The following NRDC variants were observed in gnomAD, a reference collection of about 807,000 sequenced individuals.
The protein encoded by NRDC is nardilysin.
NRDC carries 54 observed loss-of-function variants against 147.1 expected under a neutral mutation model. The ratio of observed to expected loss-of-function variants is 0.37; its 90% CI spans 0.29 to 0.46. The LOEUF (loss-of-function observed/expected upper bound fraction) is 0.46. Ranked by LOEUF, NRDC falls within the 20% of genes least tolerant of loss-of-function variation. NRDC has a pLI of 1.00. For missense variants in NRDC, 1,082 were observed against 1,370.6 expected (o/e 0.79, Z 3.33); for synonymous variants, 440 against 482.1 (o/e 0.91, Z 1.14).
rs1283568199 is a variant in NRDC at position 51,836,323 on chromosome 1, A to G, written c.631-111T>C. 1.4e-5 allele frequency: 23 copies of G among 1,599,324 alleles called. No individual in the cohort carries two copies. In the Admixed American group the frequency reaches 2.8e-4, roughly 20 times the overall value. ...TGGATGTTTTCCAATAGGAGTAACA[A>G]AATTCTTTCCCTGAGAATCAGGAGG... On this transcript the variant is annotated intron_variant, in intron 2 of 30. Transcript: ENST00000352171.
At chr1:51,846,116 A>C (rs1345953531) in intron 1 of NRDC, among the ~76,000 whole-genome samples, 1 of 146,616 alleles carries the variant, frequency 6.8e-6, no homozygotes, top group Non-Finnish European at 1.5e-5. Flanking sequence ...ACACTTTATA[A>C]TTTTTTTTTT....
chr1:51,821,622 T>A, intron 7 of NRDC, 67 bp from the exon 8 acceptor site: 1 of 1,105,912 alleles, frequency 9.0e-7, no homozygotes, highest in Non-Finnish European at 1.4e-6. Context: ...GAAATGCAAT[T>A]AGATTTCTCA....
rs1240335332 is a variant in NRDC, at chr1:51,878,177, G to A, written c.341+98C>T. 10 of 1,460,556 alleles carry A rather than the reference G, an allele frequency of 6.8e-6. No individual in the cohort carries two copies. The East Asian group carries it at 9.2e-5, about 13-fold the overall frequency. The allele number at this position is 1,460,556 out of a possible 1,614,324, so 90.5% of individuals were successfully genotyped here. A position where few individuals can be genotyped will look rare whatever the true frequency, so the allele number is the denominator to read the frequency against. ...GCATTTGGGGTGGAAAGTGTGCCCT[G>A]TTGCTCCATTGGGAGACATGGAGAC... On this transcript the variant is annotated intron_variant, in intron 1 of 30. Transcript: ENST00000352171.
intron 1 of NRDC, among the ~76,000 whole-genome samples, chr1:51,840,803 C>T (rs946732841): frequency 6.6e-6 from 1 of 152,166 alleles, no homozygotes; most frequent in Non-Finnish European, 1.5e-5. Flanking sequence ...TCAAAAAACA[C>T]ATTTTAGTAG....
At chr1:51,876,560 G>A (rs912577440) in intron 1 of NRDC, among the ~76,000 whole-genome samples, 2 of 152,176 alleles carry the variant, frequency 1.3e-5, no homozygotes, top group Non-Finnish European at 2.9e-5. Context: ...TCATGTTGGC[G>A]CTCATAAAGT....
Position 51,800,303 on chromosome 1 carries a change from T to C in NRDC, c.2441+253A>G, listed in dbSNP as rs144750362. Among the ~76,000 whole-genome samples, 1,012 of 152,282 alleles carry C rather than the reference T, an allele frequency of 6.6e-3. 13 individuals are homozygous for C. The highest frequency in any genetic ancestry group is 6.3e-3 in the Non-Finnish European group (429 of 68,024). ...CTAGCACTTCTTTAACATTCAGGTA[T>C]AATGATTGGTGAAAACACCCTTCCT... On this transcript the variant is annotated intron_variant, in intron 21 of 30. Transcript: ENST00000352171.
At chr1:51,810,555 C>T in intron 15 of NRDC, 151 bp from the exon 16 acceptor site, 1 of 637,780 alleles carries the variant, frequency 1.6e-6, no homozygotes, top group Non-Finnish European at 2.5e-6. Context: ...TACAAAGTCT[C>T]AACAGTGTTT....
In NRDC at chr1:51,850,020, A is replaced by G. The variant is rs534202829; in HGVS notation, c.342-9506T>C. Among the ~76,000 whole-genome samples, 8 of 152,080 alleles carry G rather than the reference A, an allele frequency of 5.3e-5. No individual in the cohort carries two copies. In the East Asian group the frequency reaches 1.4e-3, roughly 26 times the overall value. On this transcript the variant is annotated intron_variant, in intron 1 of 30. Coordinates refer to ENST00000352171, the MANE Select transcript of NRDC (RefSeq NM_001101662.2). Reference sequence around the variant, plus strand: ...ATGGCGAAACCCTTCGCTACTAAAAATACAAAAATTAGCCAGGTTGGTGGT... The same window carrying G: ...ATGGCGAAACCCTTCGCTACTAAAAGTACAAAAATTAGCCAGGTTGGTGGT...
intron 18 of NRDC, 52 bp from the exon 19 acceptor site, chr1:51,805,613 A>G: frequency 8.9e-7 from 1 of 1,117,904 alleles, no homozygotes. Flanking sequence ...CAGATATTTT[A>G]TACATCTGTT....
chr1:51,794,973 A>G lies in NRDC; in HGVS notation c.2605-119T>C, dbSNP rs571080486. The G allele has an allele frequency of 1.9e-5, 30 of 1,552,142 alleles. No homozygotes were observed. The African/African-American group carries it at 4.0e-4, about 21-fold the overall frequency. ...CCTGCATAGCTTTAGGAAAGCAGAT[A>G]TAGTTGGTGACCTAAATGCTGGCAA... is the stretch of plus-strand genomic sequence containing the variant. On this transcript the variant is annotated intron_variant, in intron 22 of 30. Coordinates refer to ENST00000352171, the MANE Select transcript of NRDC (RefSeq NM_001101662.2).
chr1:51,811,951 C>T (rs1679741061), intron 15 of NRDC, 43 bp downstream of exon 15: 5 of 1,296,444 alleles, frequency 3.9e-6, no homozygotes, highest in Non-Finnish European at 5.6e-6. Flanking sequence ...TCTCACCCTC[C>T]TCTTCCCCTA....
Position 51,878,532 on chromosome 1 carries a change from C to T in NRDC, c.84G>A (p.Trp28Ter), listed in dbSNP as rs1683445479. The change falls in exon 1 of 31, where the codon TGG becomes TGA. Residue 28 changes from tryptophan (W) to a stop codon, truncating the protein, a stop_gained. Transcript: ENST00000352171. LOFTEE classifies it high-confidence loss of function. ...CEAGRELAALWGIETRGRCED... is the reference protein window; with the variant it reads ...CEAGRELAAL Reference sequence around the variant, plus strand: ...CGCACCGACCCCGCGTTTCGATTCCCCAGAGCGCCGCGAGCTCCCGCCCGG... The same window carrying T: ...CGCACCGACCCCGCGTTTCGATTCCTCAGAGCGCCGCGAGCTCCCGCCCGG... 2 of 1,613,642 alleles carry T rather than the reference C, an allele frequency of 1.2e-6. No homozygotes were observed. The highest frequency in any genetic ancestry group is 8.5e-7 in the Non-Finnish European group (1 of 1,179,908).
chr1:51,819,807 A>T lies in NRDC; in HGVS notation c.1284T>A (p.Leu428=). The T allele has an allele frequency of 6.2e-7, 1 of 1,604,332 alleles. No individual in the cohort carries two copies. The highest frequency in any genetic ancestry group is 1.1e-5 in the South Asian group (1 of 89,920). ...DPFDTPAFNK[L]YRVVPIRKIH... ...AACTTTTGGTTCACAAACCTCTATA[A>T]AGTTTGTTAAATGCTGGTGTGTCAA... Residue 428 remains leucine (L), a synonymous_variant, in exon 9 of 31, where the codon CTT becomes CTA. Coordinates refer to ENST00000352171, the MANE Select transcript of NRDC (RefSeq NM_001101662.2).
chr1:51,861,330 C>CTTT (rs34875207), intron 1 of NRDC, among the ~76,000 whole-genome samples: 1,270 of 98,302 alleles, frequency 0.013, 89 homozygotes, highest in African/African-American at 0.045. Context: ...ATCTCTTCTT[C>CTTT]TTCTTTTTTT....
intron 6 of NRDC, 50 bp from the exon 7 acceptor site, chr1:51,823,836 A>C (rs1157417650): frequency 2.2e-5 from 30 of 1,373,114 alleles, no homozygotes; most frequent in Non-Finnish European, 3.0e-5. Flanking sequence ...AACTTTGTTA[A>C]AAGTCTTCTA....
intron 17 of NRDC, 63 bp downstream of exon 17, chr1:51,809,252 G>T: frequency 1.0e-6 from 1 of 975,670 alleles, no homozygotes; most frequent in Non-Finnish European, 1.7e-6. Flanking sequence ...AAAATATAAT[G>T]TGCTATACAG....
At chr1:51,809,572 C>G (rs1679618793) in intron 16 of NRDC, among the ~76,000 whole-genome samples, 171 bp from the exon 17 acceptor site, 1 of 152,162 alleles carries the variant, frequency 6.6e-6, no homozygotes, top group African/African-American at 2.4e-5. Flanking sequence ...GTGGTCCTAG[C>G]AGCACTGGCA....
intron 22 of NRDC, among the ~76,000 whole-genome samples, chr1:51,796,070 G>A (rs192621474): frequency 6.6e-6 from 1 of 152,018 alleles, no homozygotes; most frequent in African/African-American, 2.4e-5. Flanking sequence ...TTTTGGAAGT[G>A]GTGTCTCACT....
chr1:51,829,047 G>C (rs1680584043), intron 4 of NRDC, among the ~76,000 whole-genome samples: 1 of 152,016 alleles, frequency 6.6e-6, no homozygotes, highest in African/African-American at 2.4e-5. Flanking sequence ...TTAATGATGG[G>C]TTGGATAATT....
Sources: allele counts gnomAD v4.1 joint callset (sites outside exome capture counted in the v4.1 genomes callset), GRCh38; gene constraint gnomAD v4.1.1; transcripts MANE v1.5; gene names NCBI Gene and HGNC (gene_info 2026-07-23, HGNC 2026-07-21).